The following DCAF5 variants were observed in gnomAD, a reference collection of about 807,000 sequenced individuals.
DCAF5 encodes the protein DDB1 and CUL4 associated factor 5.
A neutral mutation model predicts 80.7 loss-of-function variants in DCAF5; 9 were observed. The ratio of observed to expected loss-of-function variants is 0.11; its 90% CI spans 0.07 to 0.19. The LOEUF is 0.19. Among genes scored for constraint, DCAF5 ranks in the 10% least tolerant of loss-of-function variants. DCAF5 has a pLI of 1.00. For synonymous variants in DCAF5, 433 were observed against 461.9 expected, an observed-to-expected ratio of 0.94 and a Z score of 0.80; for missense variants, 842 against 1,205.7, an observed-to-expected ratio of 0.70 and a Z score of 4.47.
At chr14:69,141,787 A>G (rs2041383150) in intron 1 of DCAF5, among the ~76,000 whole-genome samples, 1 of 152,232 alleles carries the variant, frequency 6.6e-6, no homozygotes, top group South Asian at 2.1e-4. Flanking sequence ...TACAGGAATC[A>G]GTCCTCCTGC....
intron 1 of DCAF5, among the ~76,000 whole-genome samples, chr14:69,146,981 C>A (rs2041558191): frequency 6.6e-6 from 1 of 152,192 alleles, no homozygotes; most frequent in South Asian, 2.1e-4. Context: ...AAATGAACAG[C>A]TTTAATAAAG....
intron 5 of DCAF5, among the ~76,000 whole-genome samples, chr14:69,098,727 CAA>C (rs35501979): frequency 6.9e-4 from 64 of 92,490 alleles, no homozygotes; most frequent in Middle Eastern, 8.2e-3. Context: ...ACTAAAAATA[CAA>C]AAAAAAAAAA....
chr14:69,087,724 T>C (rs1054539424), intron 6 of DCAF5, among the ~76,000 whole-genome samples: 8 of 152,196 alleles, frequency 5.3e-5, no homozygotes, highest in Non-Finnish European at 1.0e-4. Flanking sequence ...TATCACAGCA[T>C]CAGGCATACA....
chr14:69,082,168 T>G (rs7160629), intron 6 of DCAF5, among the ~76,000 whole-genome samples: 46,260 of 152,166 alleles, frequency 0.3, 9,353 homozygotes, highest in East Asian at 0.9. Flanking sequence ...AATACACCTT[T>G]GATCATACCA....
At chr14:69,150,988 T>A (rs1008442652) in intron 1 of DCAF5, among the ~76,000 whole-genome samples, 1 of 152,116 alleles carries the variant, frequency 6.6e-6, no homozygotes, top group Non-Finnish European at 1.5e-5. Flanking sequence ...TCTAAAAGAG[T>A]ACCCCCAAAC....
At chr14:69,106,457 C>A (rs1215126621) in intron 5 of DCAF5, among the ~76,000 whole-genome samples, 3 of 152,102 alleles carry the variant, frequency 2.0e-5, no homozygotes, top group Non-Finnish European at 2.9e-5. Flanking sequence ...CAGCCTCAAC[C>A]TCCTGGGCTC....
At position 69,118,044 on chromosome 14, in the gene DCAF5, T is replaced by G. The variant is rs1053386068; in HGVS notation, c.535+95A>C. ...ACATTTCCTTTCCCTTGACATCACT[T>G]GCACATAGATACTGAGGTAATAAAT... On this transcript the variant is annotated intron_variant, in intron 4 of 8. Transcript: ENST00000341516. This position sits in a 1 kb window ranked among gnomAD's most constrained non-coding sequence, Gnocchi z 4.0. 3 of 1,516,718 alleles carry G rather than the reference T, an allele frequency of 2.0e-6. No homozygotes were observed. The highest frequency in any genetic ancestry group is 3.5e-5 in the Admixed American group (2 of 57,676). The allele number at this position is 1,516,718 out of a possible 1,614,324, so 94.0% of individuals were successfully genotyped here. A position where few individuals can be genotyped will look rare whatever the true frequency, so the allele number is the denominator to read the frequency against.
chr14:69,078,902 G>A (rs564014066), intron 6 of DCAF5, among the ~76,000 whole-genome samples: 14 of 152,010 alleles, frequency 9.2e-5, no homozygotes, highest in Admixed American at 8.5e-4. Flanking sequence ...AGTTTCTGCC[G>A]CCCAGGCTGG....
chr14:69,144,550 CG>C (rs976755827), intron 1 of DCAF5, among the ~76,000 whole-genome samples: 2 of 150,218 alleles, frequency 1.3e-5, no homozygotes, highest in Admixed American at 1.3e-4. Flanking sequence ...GCACTCCAGC[CG>C]GGGCGACAGA....
intron 8 of DCAF5, among the ~76,000 whole-genome samples, chr14:69,057,610 C>A (rs762515964): frequency 3.3e-4 from 50 of 152,266 alleles, no homozygotes; most frequent in Middle Eastern, 6.8e-3. Flanking sequence ...AGTCATAACA[C>A]TGAAAGTTAG....
At chr14:69,078,186 A>G (rs2038971240) in intron 6 of DCAF5, among the ~76,000 whole-genome samples, 1 of 152,202 alleles carries the variant, frequency 6.6e-6, no homozygotes, top group African/African-American at 2.4e-5. Context: ...AACAAAGAAA[A>G]AACAACATGA....
At chr14:69,104,793 G>T (rs28799989) in intron 5 of DCAF5, among the ~76,000 whole-genome samples, 6,284 of 151,908 alleles carry the variant, frequency 0.041, 417 homozygotes, top group African/African-American at 0.14. Flanking sequence ...GGAGGTGGAG[G>T]TTGCAGTGAG....
intron 5 of DCAF5, among the ~76,000 whole-genome samples, chr14:69,097,720 G>A (rs1450913746): frequency 6.6e-6 from 1 of 151,614 alleles, no homozygotes; most frequent in Non-Finnish European, 1.5e-5. Context: ...CCCAGCAGCT[G>A]GGATTACAGG....
At chr14:69,092,886 T>C (rs1378647868) in intron 5 of DCAF5, among the ~76,000 whole-genome samples, 1 of 152,248 alleles carries the variant, frequency 6.6e-6, no homozygotes, top group Non-Finnish European at 1.5e-5. Flanking sequence ...AGAACTTCAT[T>C]TATCTAGTTT....
chr14:69,126,094 T>A (rs2140080462), intron 1 of DCAF5, among the ~76,000 whole-genome samples: 1 of 148,110 alleles, frequency 6.8e-6, no homozygotes, highest in East Asian at 2.0e-4. Context: ...AAGATCTACA[T>A]AAGAAAAATT....
rs533858292 is a variant in DCAF5 at position 69,137,430 on chromosome 14, AT to A, written c.215-15071del. On this transcript the variant is annotated intron_variant, in intron 1 of 8. Coordinates refer to ENST00000341516, the MANE Select transcript of DCAF5 (RefSeq NM_003861.3). ...ATACGCTCCATCCATTCTATGAGCAATTTCTGATTATTCTTTTTTTTAGTTT... is the reference window on the plus strand; with the variant it reads ...ATACGCTCCATCCATTCTATGAGCAATTCTGATTATTCTTTTTTTTAGTTT... Among the ~76,000 whole-genome samples, 215 of 152,328 alleles carry A rather than the reference AT, an allele frequency of 1.4e-3. 5 individuals carry two copies. In the South Asian group the frequency reaches 0.028, roughly 20 times the overall value.
chr14:69,084,595 T>C, intron 6 of DCAF5: 2 of 839,810 alleles, frequency 2.4e-6, no homozygotes, highest in Non-Finnish European at 3.9e-6. Context: ...GATATGTTGT[T>C]TGTCCTTCTG....
chr14:69,152,950 C>T lies in DCAF5; in HGVS notation c.29G>A (p.Ser10Asn). Residue 10 changes from serine to asparagine, a missense_variant, in exon 1 of 9, where the codon AGC becomes AAC. Physicochemically the swap from Ser to Asn is conservative, Grantham distance 46 (BLOSUM62 1). This residue lies in a region of DCAF5 where 28 missense variants were observed against 28.7 expected (regional missense o/e 0.98). Transcript: ENST00000341516. This position sits in a 1 kb window ranked among gnomAD's most constrained non-coding sequence, Gnocchi z 4.1. MKRRAGLGG[S>N]MRSVVGFLSQ... ...CAAGAAGCCCACCACTGACCTCATG[C>T]TGCCCCCCAGGCCAGCTCTCCTCTT... 6.2e-6 allele frequency: 10 copies of T among 1,612,106 alleles called. No individual in the cohort carries two copies. The highest frequency in any genetic ancestry group is 8.5e-6 in the Non-Finnish European group (10 of 1,179,648).
chr14:69,054,000 C>T lies in DCAF5; in HGVS notation c.2686G>A (p.Gly896Arg). ...GTGTCAGTGGGGTCCTCTCTTGTTCCAGCATTGGGGGTCTCACAGGCCATT... is the reference window on the plus strand; with the variant it reads ...GTGTCAGTGGGGTCCTCTCTTGTTCTAGCATTGGGGGTCTCACAGGCCATT... ...SEMACETPNA[G>R]TREDPTDTPA... Residue 896 changes from glycine to arginine, a missense_variant, in exon 9 of 9, where the codon GGA becomes AGA. Coordinates refer to ENST00000341516, the MANE Select transcript of DCAF5 (RefSeq NM_003861.3). 1 of 1,612,626 alleles carries T rather than the reference C, an allele frequency of 6.2e-7. No homozygotes were observed. Among genetic ancestry groups the T allele is most frequent in the Non-Finnish European group, 8.5e-7 (1 of 1,178,894 alleles).
Sources: allele counts gnomAD v4.1 joint callset (sites outside exome capture counted in the v4.1 genomes callset), GRCh38; gene constraint gnomAD v4.1.1; regional missense constraint gnomAD v4.1.1; non-coding constraint Gnocchi (gnomAD v3.1); transcripts MANE v1.5; gene names NCBI Gene and HGNC (gene_info 2026-07-23, HGNC 2026-07-21).